MAD2L2: variants seen among roughly 807,000 people sequenced by gnomAD.
MAD2L2 encodes the protein mitotic arrest deficient 2 like 2, also known as mitotic spindle assembly checkpoint protein MAD2B.
Under a neutral mutation model 30.5 loss-of-function variants are expected in MAD2L2, and 17 were observed. That is an observed-to-expected ratio of 0.56 (90% CI 0.38 to 0.84). MAD2L2 has a LOEUF of 0.84. Ranked by LOEUF, MAD2L2 falls within the 40% of genes least tolerant of loss-of-function variation. The probability of loss-of-function intolerance (pLI) is 0.00; values close to 1 mark genes in which losing one functional copy is unlikely to be tolerated. For missense variants in MAD2L2, 213 were observed against 277.4 expected, an observed-to-expected ratio of 0.77 and a Z score of 1.65; for synonymous variants, 101 against 113.9, an observed-to-expected ratio of 0.89 and a Z score of 0.72.
At chr1:11,691,542 A>G (rs1570300864) in exon 1 of MAD2L2, 1 of 151,180 alleles carries the variant, frequency 6.6e-6, no homozygotes, top group East Asian at 2.0e-4. Context: ...CTGGCCCAGA[A>G]CTCAGAGCGC....
intron 3 of MAD2L2, among the ~76,000 whole-genome samples, chr1:11,678,652 T>A (rs941054659): frequency 6.6e-6 from 1 of 152,210 alleles, no homozygotes; most frequent in Non-Finnish European, 1.5e-5. Flanking sequence ...CTTCAATCAC[T>A]TCATCATAAA....
At chr1:11,680,897 G>A in intron 1 of MAD2L2, 142 bp downstream of exon 1, 2 of 687,436 alleles carry the variant, frequency 2.9e-6, no homozygotes, top group Non-Finnish European at 2.0e-6. Flanking sequence ...CGCGGACGCA[G>A]AGGGAAACAG....
At position 11,674,624 on chromosome 1, in the gene MAD2L2, A is replaced by G; in HGVS notation, c.*151T>C. 1 of 757,562 alleles carries G rather than the reference A, an allele frequency of 1.3e-6. No homozygotes were observed. Among genetic ancestry groups the G allele is most frequent in the Non-Finnish European group, 2.2e-6 (1 of 454,472 alleles). The allele number at this position is 757,562 out of a possible 1,614,324, so 46.9% of individuals were successfully genotyped here. A position where few individuals can be genotyped will look rare whatever the true frequency, so the allele number is the denominator to read the frequency against. On this transcript the variant is annotated 3_prime_UTR_variant, in exon 9 of 9. Transcript: ENST00000376692. The surrounding 1 kb of genome is among the most constrained non-coding windows in gnomAD (Gnocchi z 6.1). ...GCCCTCCTGGGGGAGGCATCCTCCA[A>G]GCAGACCTGAGCGGCCCCGGGCTGG...
chr1:11,678,327 C>G (rs1247247664), intron 3 of MAD2L2, among the ~76,000 whole-genome samples: 1 of 152,072 alleles, frequency 6.6e-6, no homozygotes, highest in Non-Finnish European at 1.5e-5. Flanking sequence ...AGGAGAATCA[C>G]TTGAACCTGG....
intron 4 of MAD2L2, chr1:11,677,179 G>A: frequency 1.6e-6 from 1 of 611,358 alleles, no homozygotes; most frequent in South Asian, 2.0e-5. Context: ...AAGGTCCCAG[G>A]AAGTCTGAGA....
At chr1:11,681,417 T>G (rs1011577211), upstream of MAD2L2, 6 of 152,382 alleles carry the variant, frequency 3.9e-5, no homozygotes, top group African/African-American at 1.4e-4. Context: ...TTTCTCTCGC[T>G]TTAGCAGGCG....
rs1251206654 is a variant in MAD2L2 at position 11,690,645 on chromosome 1, C to A, written c.-692+768G>T. 6.6e-6 allele frequency among the ~76,000 whole-genome samples: 1 copy of A among 152,294 alleles called. No homozygotes were observed. Among genetic ancestry groups the A allele is most frequent in the East Asian group, 1.9e-4 (1 of 5,182 alleles). On this transcript the variant is annotated intron_variant, in intron 1 of 10. Transcript: ENST00000235310. This position sits in a 1 kb window ranked among gnomAD's most constrained non-coding sequence, Gnocchi z 4.2. Reference sequence around the variant, plus strand: ...AACAGTCGAAATGGAAGCCACCTGGCGAGCTCAGGGCGCCAGGTGGGAGCG... The same window carrying A: ...AACAGTCGAAATGGAAGCCACCTGGAGAGCTCAGGGCGCCAGGTGGGAGCG...
At chr1:11,679,985 GTTTTTTTT>G (rs70983583) in intron 3 of MAD2L2, among the ~76,000 whole-genome samples, 1 of 87,566 alleles carries the variant, frequency 1.1e-5, no homozygotes, top group African/African-American at 4.5e-5. Flanking sequence ...AGTGGAAGAG[GTTTTTTTT>G]TTTTTTTTTT....
At chr1:11,675,595 G>T in intron 7 of MAD2L2, 63 bp downstream of exon 7, 1 of 1,527,622 alleles carries the variant, frequency 6.5e-7, no homozygotes, top group Non-Finnish European at 9.1e-7. Context: ...GCCCCTGCCC[G>T]CCTGGAACTG....
At chr1:11,683,344 G>C (rs914159403), upstream of MAD2L2, among the ~76,000 whole-genome samples, 1 of 152,170 alleles carries the variant, frequency 6.6e-6, no homozygotes, top group Non-Finnish European at 1.5e-5. Context: ...TTTTCCTTGG[G>C]GAAACTGAGG....
intron 4 of MAD2L2, 51 bp from the exon 5 acceptor site, chr1:11,676,999 C>A: frequency 7.6e-7 from 1 of 1,312,126 alleles, no homozygotes; most frequent in Non-Finnish European, 1.1e-6. Flanking sequence ...ACCCCGACTA[C>A]ACCACCCTGC....
chr1:11,677,467 C>T, intron 4 of MAD2L2, 76 bp downstream of exon 4: 1 of 1,403,022 alleles, frequency 7.1e-7, no homozygotes, highest in Non-Finnish European at 1.0e-6. Flanking sequence ...CACCCCATCC[C>T]AGAGTTGGAC....
At chr1:11,681,280 G>A (rs1457458793), upstream of MAD2L2, 2 of 152,216 alleles carry the variant, frequency 1.3e-5, no homozygotes, top group Non-Finnish European at 2.9e-5. Flanking sequence ...GCGGGGGCCG[G>A]GCCTCGGCGT....
At chr1:11,679,934 G>A (rs1188273343) in intron 3 of MAD2L2, among the ~76,000 whole-genome samples, 3 of 151,320 alleles carry the variant, frequency 2.0e-5, no homozygotes, top group Admixed American at 2.0e-4. Context: ...GGCATTGGAA[G>A]GCATGGGCAG....
chr1:11,680,033 T>A (rs1374297566), intron 3 of MAD2L2, among the ~76,000 whole-genome samples: 1 of 135,312 alleles, frequency 7.4e-6, no homozygotes, highest in Non-Finnish European at 1.5e-5. Context: ...TTCGCTCTTG[T>A]CACCCAGGCT....
At position 11,688,526 on chromosome 1, in the gene MAD2L2, A is replaced by C. The variant is rs1044425568; in HGVS notation, c.-692+2887T>G. Among the ~76,000 whole-genome samples, 1 of 151,712 alleles carries C rather than the reference A, an allele frequency of 6.6e-6. No homozygotes were observed. Among genetic ancestry groups the C allele is most frequent in the Non-Finnish European group, 1.5e-5 (1 of 67,980 alleles). The stretch of plus-strand genomic sequence containing the variant: ...CAGTGAGCCAAGATCGCGCCACTGC[A>C]CTCCAGCCTGGACAACAGAGCAAGA... On this transcript the variant is annotated intron_variant, in intron 1 of 10. Coordinates refer to the MAD2L2 transcript ENST00000235310. This position sits in a 1 kb window ranked among gnomAD's most constrained non-coding sequence, Gnocchi z 4.6.
rs1170892942 is a variant in MAD2L2, at chr1:11,676,132, G to A, written c.341C>T (p.Ser114Leu). Residue 114 changes from serine (S) to leucine (L), a missense_variant, in exon 6 of 9, where the codon TCG (serine) becomes TTG (leucine). Coordinates refer to ENST00000376692, the MANE Select transcript of MAD2L2 (RefSeq NM_006341.4). ...CAGCTGCTCCACATGAGACAACAGC[G>A]AGTCTGAGCTGGGAGTGAGAGGAGG... ...QPPLLSISSDSLLSHVEQLLR... is the reference protein window; with the variant it reads ...QPPLLSISSDLLLSHVEQLLR... 13 of 1,598,918 alleles carry A rather than the reference G, an allele frequency of 8.1e-6. No homozygotes were observed. The highest frequency in any genetic ancestry group is 2.2e-5 in the East Asian group (1 of 44,704).
intron 4 of MAD2L2, 108 bp downstream of exon 4, chr1:11,677,435 A>G: frequency 9.3e-7 from 1 of 1,076,772 alleles, no homozygotes; most frequent in South Asian, 1.3e-5. Context: ...GGAGCCATGA[A>G]GACCCCACAG....
chr1:11,684,953 G>T (rs1379012245), upstream of MAD2L2, among the ~76,000 whole-genome samples: 3 of 151,232 alleles, frequency 2.0e-5, no homozygotes, highest in East Asian at 3.9e-4. Flanking sequence ...CCAGAGACAG[G>T]GTCTCTCCTT....
Sources: allele counts gnomAD v4.1 joint callset (sites outside exome capture counted in the v4.1 genomes callset), GRCh38; gene constraint gnomAD v4.1.1; non-coding constraint Gnocchi (gnomAD v3.1); transcripts MANE v1.5; gene names NCBI Gene and HGNC (gene_info 2026-07-23, HGNC 2026-07-21).